BBOX1: variants seen among roughly 807,000 people sequenced by gnomAD.
The protein encoded by BBOX1 is gamma-butyrobetaine hydroxylase 1.
BBOX1 carries 35 observed loss-of-function variants against 41.6 expected under a neutral mutation model. The ratio of observed to expected loss-of-function variants is 0.84; its 90% CI spans 0.64 to 1.11. BBOX1 has a LOEUF of 1.11. Ranked by LOEUF, BBOX1 falls within the 50% of genes most tolerant of loss-of-function variation. The pLI, the probability that BBOX1 is intolerant of heterozygous loss-of-function variation, is 0.00. For missense variants in BBOX1, 458 were observed against 460.6 expected (o/e 0.99, Z 0.05); for synonymous variants, 163 against 154.7 (o/e 1.05, Z -0.40).
chr11:27,055,279 T>C (rs922617468), intron 2 of BBOX1, 114 bp from the exon 3 acceptor site: 95 of 656,870 alleles, frequency 1.4e-4, no homozygotes, highest in Admixed American at 1.3e-3. Flanking sequence ...AACCGCAGAC[T>C]CTGACAGCTG....
rs534780131 is a variant in BBOX1, at chr11:27,072,368, C to G, written c.334+15053C>G. Among the ~76,000 whole-genome samples the G allele has an allele frequency of 6.4e-4, 97 of 152,130 alleles. No homozygotes were observed. In the South Asian group the frequency reaches 0.019, roughly 30 times the overall value. ...ACCTAGGAATCCAACTTACAGGGGA[C>G]GTGAAGGACCTCTTCAAGGAGAACT... On this transcript the variant is annotated intron_variant, in intron 4 of 8. Coordinates refer to ENST00000263182, the MANE Select transcript of BBOX1 (RefSeq NM_003986.3).
chr11:27,047,488 C>A (rs1440020544), intron 2 of BBOX1, among the ~76,000 whole-genome samples: 1 of 152,120 alleles, frequency 6.6e-6, no homozygotes, highest in Non-Finnish European at 1.5e-5. Flanking sequence ...GTAGAAAATG[C>A]ACCCCTGGAC....
intron 3 of BBOX1, among the ~76,000 whole-genome samples, chr11:27,056,229 T>C (rs1856974599): frequency 6.6e-6 from 1 of 152,198 alleles, no homozygotes; most frequent in Non-Finnish European, 1.5e-5. Flanking sequence ...ATTGCTGTTG[T>C]ACTCCTTATC....
rs556401570 is a variant in BBOX1, at chr11:27,045,436, G to A, written c.-39+3958G>A. ...TACGCTTTATTTCTTTCTCTTGACT[G>A]ATCACCCTGGCCAGAACTTCCAATA... On this transcript the variant is annotated intron_variant, in intron 2 of 8. Transcript: ENST00000263182. Among the ~76,000 whole-genome samples, 5 of 152,204 alleles carry A rather than the reference G, an allele frequency of 3.3e-5. No individual in the cohort carries two copies. The East Asian group carries it at 5.8e-4, about 18-fold the overall frequency.
intron 2 of BBOX1, among the ~76,000 whole-genome samples, chr11:27,051,495 A>C (rs2133952777): frequency 6.6e-6 from 1 of 152,096 alleles, no homozygotes; most frequent in South Asian, 2.1e-4. Flanking sequence ...TTGATTACCG[A>C]CTTAATCTTC....
intron 5 of BBOX1, among the ~76,000 whole-genome samples, chr11:27,096,867 T>A (rs745747467): frequency 6.6e-6 from 1 of 152,060 alleles, no homozygotes; most frequent in Non-Finnish European, 1.5e-5. Flanking sequence ...TTATAAACTA[T>A]GTTCAACTAA....
rs1857355867 is a variant in BBOX1, at chr11:27,068,519, T to G, written c.334+11204T>G. On this transcript the variant is annotated intron_variant, in intron 4 of 8. Transcript: ENST00000263182. Reference sequence around the variant, plus strand: ...CAAATATTTTCTCCCTTTCTGTGGGTTGTTTACTCTGGTAATTTTTTTTTC... The same window carrying G: ...CAAATATTTTCTCCCTTTCTGTGGGGTGTTTACTCTGGTAATTTTTTTTTC... 1.3e-5 allele frequency among the ~76,000 whole-genome samples: 2 copies of G among 152,112 alleles called. 1 individual carries two copies. Among genetic ancestry groups the G allele is most frequent in the Admixed American group, 1.3e-4 (2 of 15,270 alleles).
chr11:27,054,209 G>GTGTGTGTGTC (rs1320668604), intron 2 of BBOX1, among the ~76,000 whole-genome samples: 1 of 143,700 alleles, frequency 7.0e-6, no homozygotes, highest in African/African-American at 2.6e-5. Flanking sequence ...GTGTGTCTGT[G>GTGTGTGTGTC]TGTGTGTGTG....
intron 6 of BBOX1, 123 bp from the exon 7 acceptor site, chr11:27,119,526 C>T: frequency 1.8e-6 from 1 of 558,260 alleles, no homozygotes; most frequent in Non-Finnish European, 2.5e-6. Flanking sequence ...GAATCTTTAA[C>T]ACAGTATCAA....
At chr11:27,121,163 G>A (rs933613699) in intron 7 of BBOX1, among the ~76,000 whole-genome samples, 12 of 152,066 alleles carry the variant, frequency 7.9e-5, no homozygotes, top group Admixed American at 3.3e-4. Context: ...CAGAAGAGAA[G>A]CAGTTTCCCG....
At chr11:27,068,314 C>T (rs911437790) in intron 4 of BBOX1, among the ~76,000 whole-genome samples, 3 of 152,036 alleles carry the variant, frequency 2.0e-5, no homozygotes, top group Admixed American at 2.0e-4. Flanking sequence ...TTTCCATTTC[C>T]CTGATGACTA....
chr11:27,114,366 A>G (rs1859183821), intron 5 of BBOX1, among the ~76,000 whole-genome samples: 1 of 151,844 alleles, frequency 6.6e-6, no homozygotes. Context: ...TTTCAGTATC[A>G]TTTTCTTGTT....
At chr11:27,103,616 G>T (rs963204435) in intron 5 of BBOX1, among the ~76,000 whole-genome samples, 13 of 150,588 alleles carry the variant, frequency 8.6e-5, no homozygotes, top group Non-Finnish European at 1.8e-4. Flanking sequence ...GTCCATTTTT[G>T]AGTTTCTAAT....
At chr11:27,118,660 G>A (rs1011500393) in intron 6 of BBOX1, among the ~76,000 whole-genome samples, 10 of 151,524 alleles carry the variant, frequency 6.6e-5, no homozygotes, top group African/African-American at 1.5e-4. Context: ...ATGTATTTGC[G>A]TTTTAACCTA....
rs189748113 is a variant in BBOX1, at chr11:27,050,407, T to C, written c.-38-4986T>C. Among the ~76,000 whole-genome samples the C allele has an allele frequency of 2.6e-3, 389 of 152,256 alleles. 6 individuals carry two copies. Among genetic ancestry groups the C allele is most frequent in the African/African-American group, 8.9e-3 (370 of 41,562 alleles). On this transcript the variant is annotated intron_variant, in intron 2 of 8. Transcript: ENST00000263182. ...TTGATAAATGTCATTGGAGTTTTGA[T>C]AGTAATTGCACTGAATCTGTAGATG...
At chr11:27,054,673 G>A (rs1421895845) in intron 2 of BBOX1, among the ~76,000 whole-genome samples, 1 of 152,028 alleles carries the variant, frequency 6.6e-6, no homozygotes, top group Non-Finnish European at 1.5e-5. Context: ...ACTCCAAAAA[G>A]GTTCAGAATA....
chr11:27,046,394 G>GA (rs1379462359), intron 2 of BBOX1: 3 of 151,464 alleles, frequency 2.0e-5, no homozygotes, highest in African/African-American at 7.3e-5. Context: ...ACTCTGAAGA[G>GA]AAAAAATATG....
intron 5 of BBOX1, among the ~76,000 whole-genome samples, chr11:27,112,234 A>C (rs1274577229): frequency 1.3e-5 from 2 of 151,976 alleles, no homozygotes; most frequent in Non-Finnish European, 2.9e-5. Context: ...AGCAGTTGTT[A>C]TTAATGAGCA....
chr11:27,102,512 T>C (rs1858698899), intron 5 of BBOX1, among the ~76,000 whole-genome samples: 1 of 152,002 alleles, frequency 6.6e-6, no homozygotes, highest in Non-Finnish European at 1.5e-5. Flanking sequence ...TCCTAAGTTT[T>C]ATGGTGTTCA....
Sources: allele counts gnomAD v4.1 joint callset (sites outside exome capture counted in the v4.1 genomes callset), GRCh38; gene constraint gnomAD v4.1.1; transcripts MANE v1.5; gene names NCBI Gene and HGNC (gene_info 2026-07-23, HGNC 2026-07-21).